The following RMND5A variants were observed in gnomAD, a reference collection of about 807,000 sequenced individuals.
RMND5A encodes required for meiotic nuclear division 5 homolog A, also known as E3 ubiquitin-protein transferase RMND5A.
A neutral mutation model predicts 49.7 loss-of-function variants in RMND5A; 17 were observed. The observed-to-expected ratio is 0.34, with a 90% confidence interval of 0.23 to 0.51. The LOEUF is 0.51. RMND5A is among the 20% of genes least tolerant of loss of function. The pLI, the probability that RMND5A is intolerant of heterozygous loss-of-function variation, is 0.96. For missense variants in RMND5A, 255 were observed against 471.3 expected (o/e 0.54, Z 4.25); for synonymous variants, 156 against 167.7 (o/e 0.93, Z 0.54).
chr2:86,771,125 G>C (rs746990983), intron 7 of RMND5A, among the ~76,000 whole-genome samples: 1 of 151,764 alleles, frequency 6.6e-6, no homozygotes, highest in Non-Finnish European at 1.5e-5. Flanking sequence ...TAGCACTCCT[G>C]CTCTACTGCC....
At chr2:86,747,008 G>GC (rs1681547992) in intron 2 of RMND5A, among the ~76,000 whole-genome samples, 1 of 152,170 alleles carries the variant, frequency 6.6e-6, no homozygotes, top group African/African-American at 2.4e-5. Flanking sequence ...GGTTTGTAAA[G>GC]CACTGCTATC....
At chr2:86,764,251 T>C (rs1672555001) in intron 4 of RMND5A, among the ~76,000 whole-genome samples, 1 of 152,226 alleles carries the variant, frequency 6.6e-6, no homozygotes, top group African/African-American at 2.4e-5. Context: ...ACAGCTTCTA[T>C]ATATTAATAT....
At chr2:86,756,998 A>T (rs1241871974) in intron 4 of RMND5A, among the ~76,000 whole-genome samples, 1 of 151,888 alleles carries the variant, frequency 6.6e-6, no homozygotes, top group East Asian at 1.9e-4. Context: ...ACGTGGAGAA[A>T]CCCCATCTCT....
At chr2:86,764,195 G>A (rs1672553739) in intron 4 of RMND5A, among the ~76,000 whole-genome samples, 1 of 152,082 alleles carries the variant, frequency 6.6e-6, no homozygotes, top group South Asian at 2.1e-4. Flanking sequence ...AGGTTAGGTG[G>A]GGAGTATTTG....
Position 86,751,825 on chromosome 2 carries a change from G to T in RMND5A, c.286-71G>T. ...TTGGGGTATCTCAGACTGAAACAAA[G>T]ACCATTTTTTTCCTGTTAAGTGGGG... On this transcript the variant is annotated intron_variant, in intron 2 of 8. Transcript: ENST00000283632. 2.7e-6 allele frequency: 4 copies of T among 1,481,600 alleles called. No homozygotes were observed. The South Asian group carries it at 5.1e-5, about 19-fold the overall frequency. 91.8% of individuals were successfully genotyped at this position (1,481,600 alleles called of 1,614,324 possible).
intron 2 of RMND5A, among the ~76,000 whole-genome samples, chr2:86,747,741 CG>C (rs1681561810): frequency 2.0e-5 from 3 of 152,254 alleles, no homozygotes. Flanking sequence ...ATTTGAGAAA[CG>C]GATGGGTTTT....
intron 2 of RMND5A, among the ~76,000 whole-genome samples, chr2:86,745,085 C>T (rs1210383934): frequency 1.3e-5 from 2 of 151,654 alleles, no homozygotes; most frequent in African/African-American, 4.9e-5. Flanking sequence ...ATCTAGAATT[C>T]AGTCCAGTTT....
intron 4 of RMND5A, among the ~76,000 whole-genome samples, chr2:86,760,988 G>GTT (rs1306545574): frequency 1.2e-4 from 18 of 152,030 alleles, no homozygotes; most frequent in African/African-American, 4.3e-4. Context: ...GTGTGTGTGT[G>GTT]TGTGTGTGTG....
At position 86,762,387 on chromosome 2, in the gene RMND5A, G is replaced by A. The variant is rs1462473232; in HGVS notation, c.522-2640G>A. ...TGGCTGGGCATGGTGGCTCACGCCT[G>A]TAATCCCAGCACTTTGGGAGGCCAA... is the stretch of plus-strand genomic sequence containing the variant. On this transcript the variant is annotated intron_variant, in intron 4 of 8. Transcript: ENST00000283632. 2.6e-5 allele frequency among the ~76,000 whole-genome samples: 4 copies of A among 152,288 alleles called. No homozygotes were observed. In the East Asian group the frequency reaches 7.7e-4, roughly 29 times the overall value.
Position 86,775,191 on chromosome 2 carries a change from C to G in RMND5A, c.*1780C>G, listed in dbSNP as rs1185186763. 1.3e-5 allele frequency: 2 copies of G among 152,142 alleles called. No homozygotes were observed. The highest frequency in any genetic ancestry group is 4.8e-5 in the African/African-American group (2 of 41,420). 9.4% of individuals were successfully genotyped at this position (152,142 alleles called of 1,614,324 possible). A position where few individuals can be genotyped will look rare whatever the true frequency, so the allele number is the denominator to read the frequency against. On this transcript the variant is annotated 3_prime_UTR_variant, in exon 9 of 9. Transcript: ENST00000283632. ...TTGCTAAAGCAGTGAAGGAAGAGAA[C>G]AGAGACAAACTCTTTGGACTGTGAA... is the stretch of plus-strand genomic sequence containing the variant.
intron 6 of RMND5A, among the ~76,000 whole-genome samples, chr2:86,767,070 T>A (rs1044867587): frequency 2.6e-5 from 4 of 152,180 alleles, no homozygotes; most frequent in Admixed American, 2.6e-4. Flanking sequence ...ACTTGTTTTT[T>A]TCTTGCTTTT....
In RMND5A at chr2:86,720,956, C is replaced by G. The variant is rs1020737197; in HGVS notation, c.142+147C>G. 4.5e-5 allele frequency: 28 copies of G among 625,662 alleles called. No homozygotes were observed. In the Admixed American group the frequency reaches 1.0e-3, roughly 23 times the overall value. 38.8% of individuals were successfully genotyped at this position (625,662 alleles called of 1,614,324 possible). ...CGCGGAGGCCCCCAGACCCCTGAGA[C>G]TTTTTCCCCTCTTCGTCCGATTTAC... On this transcript the variant is annotated intron_variant, in intron 1 of 8. Transcript: ENST00000283632.
At chr2:86,749,855 A>T (rs1358432098) in intron 2 of RMND5A, among the ~76,000 whole-genome samples, 1 of 152,236 alleles carries the variant, frequency 6.6e-6, no homozygotes, top group South Asian at 2.1e-4. Flanking sequence ...CTGTTTTCAC[A>T]TCTAGAGATA....
intron 2 of RMND5A, among the ~76,000 whole-genome samples, chr2:86,745,489 A>G (rs1472874068): frequency 6.6e-6 from 1 of 152,218 alleles, no homozygotes; most frequent in Non-Finnish European, 1.5e-5. Flanking sequence ...CAAAACAGCA[A>G]CTGAGAATAT....
At position 86,777,783 on chromosome 2, in the gene RMND5A, A is replaced by T. The variant is rs553376947; in HGVS notation, c.*4372A>T. 1.3e-5 allele frequency: 2 copies of T among 152,344 alleles called. No homozygotes were observed. Among genetic ancestry groups the T allele is most frequent in the East Asian group, 3.9e-4 (2 of 5,192 alleles). The allele number at this position is 152,344 out of a possible 1,614,324, so 9.4% of individuals were successfully genotyped here. ...ATAGACTATAGGCAATAAAGCTAAC[A>T]ATAAACCTTATTTAACACAAACCAC... On this transcript the variant is annotated 3_prime_UTR_variant, in exon 9 of 9. Coordinates refer to ENST00000283632, the MANE Select transcript of RMND5A (RefSeq NM_022780.4).
At chr2:86,763,156 C>T (rs958669277) in intron 4 of RMND5A, among the ~76,000 whole-genome samples, 2 of 151,490 alleles carry the variant, frequency 1.3e-5, no homozygotes, top group South Asian at 2.1e-4. Flanking sequence ...ATGAATTTTT[C>T]GTTTTTTTCT....
At chr2:86,727,722 T>C (rs1681293286) in intron 1 of RMND5A, among the ~76,000 whole-genome samples, 1 of 74,060 alleles carries the variant, frequency 1.4e-5, no homozygotes, top group Admixed American at 1.6e-4. Context: ...AGACCCGTGG[T>C]ACTTCCAGGA....
At chr2:86,773,118 A>C (rs1183095629) in intron 8 of RMND5A, among the ~76,000 whole-genome samples, 2 of 152,248 alleles carry the variant, frequency 1.3e-5, no homozygotes, top group Non-Finnish European at 2.9e-5. Context: ...GTTTTGTTTA[A>C]GAAACAATTT....
rs373940900 is a variant in RMND5A at position 86,748,980 on chromosome 2, T to C, written c.286-2916T>C. Among the ~76,000 whole-genome samples, 4 of 152,228 alleles carry C rather than the reference T, an allele frequency of 2.6e-5. No homozygotes were observed. The South Asian group carries it at 8.3e-4, about 32-fold the overall frequency. Reference sequence around the variant, plus strand: ...AATTCATCTCTCTATTCTTTCCTTATACTGTGCATTTAGACATTTAGAGAG... The same window carrying C: ...AATTCATCTCTCTATTCTTTCCTTACACTGTGCATTTAGACATTTAGAGAG... On this transcript the variant is annotated intron_variant, in intron 2 of 8. Transcript: ENST00000283632.
Sources: gnomAD v4.1 joint callset for allele counts (sites outside exome capture counted in the v4.1 genomes callset) on GRCh38, gnomAD v4.1.1 for gene constraint, MANE v1.5 for transcripts, NCBI Gene and HGNC (gene_info 2026-07-23, HGNC 2026-07-21) for gene names.